Variants in FMNL2 observed in about 807,000 individuals in gnomAD.
FMNL2 encodes the protein formin-like protein 2.
Under a neutral mutation model 130.2 loss-of-function variants are expected in FMNL2, and 51 were observed. That is an observed-to-expected ratio of 0.39 (90% CI 0.31 to 0.49). FMNL2 has a LOEUF of 0.49. FMNL2 is among the 20% of genes least tolerant of loss of function. FMNL2 has a pLI of 0.85. For synonymous variants in FMNL2, 465 were observed against 467.1 expected (o/e 1.00, Z 0.06); for missense variants, 977 against 1,316.2 (o/e 0.74, Z 3.99).
intron 6 of FMNL2, among the ~76,000 whole-genome samples, chr2:152,564,594 G>A (rs1236761984): frequency 2.0e-5 from 3 of 151,972 alleles, no homozygotes; most frequent in Non-Finnish European, 4.4e-5. Context: ...CTAGCTGGGT[G>A]TGGTGGTGCA....
rs1219458869 is a variant in FMNL2, at chr2:152,536,278, G to A, written c.202-6461G>A. 3.3e-5 allele frequency among the ~76,000 whole-genome samples: 5 copies of A among 152,150 alleles called. No homozygotes were observed. The East Asian group carries it at 9.6e-4, about 29-fold the overall frequency. On this transcript the variant is annotated intron_variant, in intron 2 of 25. Coordinates refer to ENST00000288670, the MANE Select transcript of FMNL2 (RefSeq NM_052905.4). The stretch of plus-strand genomic sequence containing the variant: ...TTTCCTCTCCCTGTTACTTGTGTCA[G>A]CATTATCTATTTTAGAGGGTAAAAC...
In FMNL2 at chr2:152,640,771, C is replaced by G; in HGVS notation, c.3046-20C>G. On this transcript the variant is annotated intron_variant, in intron 24 of 25. Coordinates refer to ENST00000288670, the MANE Select transcript of FMNL2 (RefSeq NM_052905.4). ...TAATGGGTGCTGGCCTCACTAATCT[C>G]TGCCCTTCTTTCTTCTCAGTCTCCT... The G allele has an allele frequency of 6.2e-7, 1 of 1,610,728 alleles. No homozygotes were observed. Among genetic ancestry groups the G allele is most frequent in the Non-Finnish European group, 8.5e-7 (1 of 1,178,302 alleles).
chr2:152,470,813 C>A (rs1197638524), intron 1 of FMNL2, among the ~76,000 whole-genome samples: 5 of 152,152 alleles, frequency 3.3e-5, no homozygotes, highest in African/African-American at 1.2e-4. Flanking sequence ...AATGAGAGAC[C>A]TAAGAGCTCA....
intron 1 of FMNL2, among the ~76,000 whole-genome samples, chr2:152,389,633 A>G (rs13419000): frequency 0.12 from 18,835 of 152,184 alleles, 1,346 homozygotes; most frequent in East Asian, 0.19. Flanking sequence ...GAGAGAGCAC[A>G]GGACTAGAGC....
intron 1 of FMNL2, among the ~76,000 whole-genome samples, chr2:152,503,787 A>G (rs895237299): frequency 1.3e-5 from 2 of 152,160 alleles, no homozygotes; most frequent in Admixed American, 1.3e-4. Context: ...AATTTGGGGA[A>G]GGTATTGCAG....
intron 4 of FMNL2, among the ~76,000 whole-genome samples, chr2:152,557,673 T>C (rs547413135): frequency 6.6e-6 from 1 of 152,370 alleles, no homozygotes; most frequent in South Asian, 2.1e-4. Context: ...GGGTTGCTCA[T>C]GCTTAAGGGA....
chr2:152,514,202 G>A (rs998268573), intron 1 of FMNL2, among the ~76,000 whole-genome samples: 2 of 152,148 alleles, frequency 1.3e-5, no homozygotes, highest in African/African-American at 2.4e-5. Context: ...AAATGTCAAT[G>A]TAGGAAGAGT....
intron 2 of FMNL2, among the ~76,000 whole-genome samples, chr2:152,526,179 T>A (rs1693376502): frequency 6.6e-6 from 1 of 152,180 alleles, no homozygotes; most frequent in African/African-American, 2.4e-5. Context: ...ATAAATTAGT[T>A]CCTGTGGGCC....
chr2:152,455,082 A>C (rs1397338049), intron 1 of FMNL2, among the ~76,000 whole-genome samples: 1 of 152,196 alleles, frequency 6.6e-6, no homozygotes, highest in Admixed American at 6.5e-5. Context: ...AGCTGGCCTC[A>C]GAGGTTTTCT....
intron 1 of FMNL2, among the ~76,000 whole-genome samples, chr2:152,351,194 T>G (rs1682462401): frequency 6.6e-6 from 1 of 152,188 alleles, no homozygotes; most frequent in South Asian, 2.1e-4. Flanking sequence ...CAATTATTAT[T>G]TCTTTTAAAT....
intron 1 of FMNL2, among the ~76,000 whole-genome samples, chr2:152,335,960 G>T (rs953334285): frequency 1.3e-5 from 2 of 151,910 alleles, no homozygotes; most frequent in Non-Finnish European, 2.9e-5. Context: ...TGCCCAACCA[G>T]CCTCGAACCC....
At chr2:152,560,655 A>G (rs535895174) in intron 5 of FMNL2, among the ~76,000 whole-genome samples, 144 of 152,312 alleles carry the variant, frequency 9.5e-4, no homozygotes, top group African/African-American at 3.3e-3. Flanking sequence ...TTTGCTGCTC[A>G]TTGTTCCATT....
At chr2:152,509,985 A>G (rs1389491565) in intron 1 of FMNL2, among the ~76,000 whole-genome samples, 2 of 151,946 alleles carry the variant, frequency 1.3e-5, no homozygotes, top group African/African-American at 4.8e-5. Flanking sequence ...CTGGGCCCAA[A>G]TGATCCTCCC....
chr2:152,638,509 G>A (rs982849472), intron 23 of FMNL2, among the ~76,000 whole-genome samples: 10 of 152,124 alleles, frequency 6.6e-5, no homozygotes, highest in South Asian at 2.1e-4. Flanking sequence ...ACACCACTAG[G>A]GGCTGAAGGC....
intron 9 of FMNL2, among the ~76,000 whole-genome samples, chr2:152,589,269 G>A (rs1697252936): frequency 1.3e-5 from 2 of 151,956 alleles, no homozygotes; most frequent in South Asian, 2.1e-4. Flanking sequence ...TTATGCAATA[G>A]GGAACCTCAT....
intron 21 of FMNL2, among the ~76,000 whole-genome samples, chr2:152,635,895 C>G: frequency 6.6e-6 from 1 of 152,202 alleles, no homozygotes. Flanking sequence ...GAGTTGTAAT[C>G]CCAACACTTT....
chr2:152,625,696 A>G, intron 16 of FMNL2, 134 bp downstream of exon 16: 1 of 1,037,658 alleles, frequency 9.6e-7, no homozygotes, highest in Non-Finnish European at 1.4e-6. Context: ...AGAAACATGT[A>G]TGTAATATTG....
intron 1 of FMNL2, among the ~76,000 whole-genome samples, chr2:152,433,108 A>G (rs140710753): frequency 6.6e-6 from 1 of 152,294 alleles, no homozygotes; most frequent in African/African-American, 2.4e-5. Context: ...GCGCTGAATA[A>G]ATGGTAGGCC....
intron 1 of FMNL2, among the ~76,000 whole-genome samples, chr2:152,444,413 G>A (rs912043623): frequency 1.3e-5 from 2 of 152,130 alleles, no homozygotes; most frequent in African/African-American, 4.8e-5. Context: ...GTGCTTAAAG[G>A]CCCCATTCGG....
Sources: allele counts gnomAD v4.1 joint callset (sites outside exome capture counted in the v4.1 genomes callset), GRCh38; gene constraint gnomAD v4.1.1; transcripts MANE v1.5; gene names NCBI Gene and HGNC (gene_info 2026-07-23, HGNC 2026-07-21).